MCUB: variants seen among roughly 807,000 people sequenced by gnomAD.
MCUB encodes mitochondrial calcium uniporter dominant negative subunit beta.
MCUB carries 46 observed loss-of-function variants against 41.4 expected under a neutral mutation model. The ratio of observed to expected loss-of-function variants is 1.11; its 90% CI spans 0.88 to 1.42. MCUB has a LOEUF of 1.42. MCUB is among the 40% of genes most tolerant of loss of function. The pLI is 0.00. For synonymous variants in MCUB, 148 were observed against 148.2 expected (o/e 1.00, Z 0.01); for missense variants, 403 against 404.9 (o/e 1.00, Z 0.04).
intron 1 of MCUB, among the ~76,000 whole-genome samples, chr4:109,653,550 C>G (rs1355244987): frequency 6.6e-6 from 1 of 152,096 alleles, no homozygotes; most frequent in Admixed American, 6.6e-5. Context: ...TTTCTATTGA[C>G]TTTATTCAGA....
intron 1 of MCUB, among the ~76,000 whole-genome samples, chr4:109,584,944 AGT>A (rs1199875476): frequency 2.0e-5 from 3 of 152,038 alleles, no homozygotes; most frequent in Non-Finnish European, 4.4e-5. Context: ...TGGGGTGGAG[AGT>A]TCTGTAGGTG....
chr4:109,682,459 A>C (rs1416347222), intron 4 of MCUB, 123 bp from the exon 5 acceptor site: 1 of 753,994 alleles, frequency 1.3e-6, no homozygotes, highest in Non-Finnish European at 2.2e-6. Context: ...ATGTTTGTAC[A>C]CCAGCTTCCT....
intron 1 of MCUB, among the ~76,000 whole-genome samples, chr4:109,598,710 G>T (rs2126130475): frequency 6.6e-6 from 1 of 152,196 alleles, no homozygotes; most frequent in East Asian, 1.9e-4. Context: ...CTTATTGCTG[G>T]TGAGGCCTGG....
At chr4:109,567,546 T>G (rs1268128680) in intron 1 of MCUB, among the ~76,000 whole-genome samples, 1 of 128,304 alleles carries the variant, frequency 7.8e-6, no homozygotes, top group African/African-American at 2.9e-5. Flanking sequence ...TGGTGGCACG[T>G]GCCTGTAATC....
At chr4:109,650,391 G>A (rs888470342) in intron 1 of MCUB, among the ~76,000 whole-genome samples, 2 of 152,110 alleles carry the variant, frequency 1.3e-5, no homozygotes, top group African/African-American at 2.4e-5. Context: ...TGCAAAAAAG[G>A]TTTAATATTT....
Position 109,577,515 on chromosome 4 carries a change from C to T in MCUB, c.99+17079C>T, listed in dbSNP as rs1375681809. ...TAAAGCAACTAAGGCTCAGACCCAG[C>T]CTGTCACCTGACTTAATTGAAGTAG... is the stretch of plus-strand genomic sequence containing the variant. On this transcript the variant is annotated intron_variant, in intron 1 of 7. Transcript: ENST00000394650. 2.0e-5 allele frequency among the ~76,000 whole-genome samples: 3 copies of T among 152,066 alleles called. No homozygotes were observed. In the East Asian group the frequency reaches 5.8e-4, roughly 29 times the overall value.
chr4:109,626,139 T>G (rs1728355300), intron 1 of MCUB, among the ~76,000 whole-genome samples: 1 of 152,230 alleles, frequency 6.6e-6, no homozygotes, highest in East Asian at 1.9e-4. Flanking sequence ...TAGCACTGTT[T>G]ACACTAAGCA....
intron 1 of MCUB, among the ~76,000 whole-genome samples, chr4:109,618,771 A>T (rs1339884766): frequency 6.6e-6 from 1 of 151,548 alleles, no homozygotes; most frequent in African/African-American, 2.4e-5. Flanking sequence ...AAATAGTTAC[A>T]TAGTCTAAAA....
chr4:109,561,407 G>C (rs1726633571), intron 1 of MCUB, among the ~76,000 whole-genome samples: 1 of 151,934 alleles, frequency 6.6e-6, no homozygotes, highest in African/African-American at 2.4e-5. Flanking sequence ...GCTGTCTGAG[G>C]GCTTCAGTTT....
At position 109,685,316 on chromosome 4, in the gene MCUB, ACAGCACTTTGATGTG is replaced by A. The variant is rs1478940180; in HGVS notation, c.888_902del (p.His296_Gln300del). ...AGTTCTTCCACAAGAAATCAAAGCA[ACAGCACTTTGATGTG>A]CAGCAATACAACAAGTTAAAAGAAG... On this transcript the variant is annotated inframe_deletion, in exon 7 of 8. Transcript: ENST00000394650. 6.3e-7 allele frequency: 1 copy of A among 1,593,452 alleles called. No individual in the cohort carries two copies.
intron 1 of MCUB, among the ~76,000 whole-genome samples, chr4:109,626,821 C>CAAAAA (rs58560479): frequency 9.8e-5 from 8 of 81,514 alleles, no homozygotes; most frequent in Admixed American, 4.5e-4. Flanking sequence ...GAGTCCGACT[C>CAAAAA]AAAAAAAAAA....
intron 1 of MCUB, among the ~76,000 whole-genome samples, chr4:109,588,478 T>G (rs925879423): frequency 1.3e-5 from 2 of 152,210 alleles, no homozygotes; most frequent in Admixed American, 1.3e-4. Context: ...CAGTGTTTCC[T>G]GTGGAGATTT....
At chr4:109,657,633 CA>C (rs1729134647) in intron 1 of MCUB, among the ~76,000 whole-genome samples, 1 of 152,226 alleles carries the variant, frequency 6.6e-6, no homozygotes, top group South Asian at 2.1e-4. Flanking sequence ...TTCTCTGGTA[CA>C]AGTCCTTTTG....
At chr4:109,660,961 A>C (rs564564793) in intron 3 of MCUB, among the ~76,000 whole-genome samples, 1 of 152,360 alleles carries the variant, frequency 6.6e-6, no homozygotes, top group East Asian at 1.9e-4. Flanking sequence ...CACAGGCATT[A>C]GCGTGCAATT....
At chr4:109,629,111 G>T (rs1361268085) in intron 1 of MCUB, among the ~76,000 whole-genome samples, 1 of 152,098 alleles carries the variant, frequency 6.6e-6, no homozygotes, top group Non-Finnish European at 1.5e-5. Flanking sequence ...GTCCTCCTTA[G>T]AACTTTTCTT....
chr4:109,597,557 G>C, intron 1 of MCUB, among the ~76,000 whole-genome samples: 1 of 144,730 alleles, frequency 6.9e-6, no homozygotes. Context: ...CGGGCAGAGG[G>C]GCTCCTCACT....
In MCUB at chr4:109,684,555, TGTACTCC is replaced by T. The variant is rs1729792717; in HGVS notation, c.726_732del (p.Tyr243GlyfsTer24). On this transcript the variant is annotated frameshift_variant, in exon 6 of 8. Transcript: ENST00000394650. LOFTEE classifies it high-confidence loss of function. ...GCACTGGCCTGGCTCACGTGGTGGG[TGTACTCC>T]TGGGATATCATGGAGCCAGTTACAT... 1.2e-6 allele frequency: 2 copies of T among 1,610,008 alleles called. No individual in the cohort carries two copies. The highest frequency in any genetic ancestry group is 2.2e-5 in the South Asian group (2 of 90,992).
At position 109,682,657 on chromosome 4, in the gene MCUB, A is replaced by G; in HGVS notation, c.527A>G (p.His176Arg). 6.2e-7 allele frequency: 1 copy of G among 1,613,310 alleles called. No homozygotes were observed. The highest frequency in any genetic ancestry group is 8.5e-7 in the Non-Finnish European group (1 of 1,179,246). ...SLVHRLFTILHLEESQKKREH... is the reference protein window; with the variant it reads ...SLVHRLFTILRLEESQKKREH... ...GTTCACAGACTATTTACAATCTTGC[A>G]TTTAGAAGAGTCTCAGAAAAAGAGA... The change falls in exon 5 of 8, where the codon CAT (histidine) becomes CGT (arginine). Residue 176 changes from histidine (H) to arginine (R), a missense_variant. His to Arg is a conservative substitution (Grantham distance 29). Coordinates refer to ENST00000394650, the MANE Select transcript of MCUB (RefSeq NM_017918.5).
chr4:109,585,180 C>T (rs562095122), intron 1 of MCUB, among the ~76,000 whole-genome samples: 77 of 152,214 alleles, frequency 5.1e-4, no homozygotes, highest in Non-Finnish European at 8.8e-4. Context: ...CTTGTTCAAT[C>T]GATTCCTTTA....
Sources: allele counts gnomAD v4.1 joint callset (sites outside exome capture counted in the v4.1 genomes callset), GRCh38; gene constraint gnomAD v4.1.1; transcripts MANE v1.5; gene names NCBI Gene and HGNC (gene_info 2026-07-23, HGNC 2026-07-21).